The following SYNE1 variants were observed in gnomAD, a reference collection of about 807,000 sequenced individuals.
SYNE1 encodes the protein nesprin-1.
SYNE1 carries 616 observed loss-of-function variants against 1,111.0 expected under a neutral mutation model. The observed-to-expected ratio is 0.55, with a 90% CI of 0.52 to 0.59. The LOEUF is 0.59. Ranked by LOEUF, SYNE1 falls within the 20% of genes least tolerant of loss-of-function variation. The probability of loss-of-function intolerance (pLI) is 0.00; values close to 1 mark genes in which losing one functional copy is unlikely to be tolerated. For missense variants in SYNE1, 10,006 were observed against 10,417.0 expected, an observed-to-expected ratio of 0.96 and a Z score of 1.72; for synonymous variants, 3,855 against 3,825.8, an observed-to-expected ratio of 1.01 and a Z score of -0.28.
intron 8 of SYNE1, among the ~76,000 whole-genome samples, 181 bp from the exon 9 acceptor site, chr6:152,505,578 G>A (rs755977452): frequency 5.3e-5 from 8 of 152,106 alleles, no homozygotes; most frequent in Non-Finnish European, 1.0e-4. Context: ...ATAAGATGTC[G>A]AAATTCTGGT....
Position 152,135,152 on chromosome 6 carries a change from A to C in SYNE1, c.25740T>G (p.Asp8580Glu). ...DRRKNEIVPI[D>E]SNLDAEILQD... ...GAAGTATCTCTGCATCAAGGTTAGA[A>C]TCAATAGGGACAATTTCATTTTTCC... Residue 8580 changes from aspartate to glutamate, a missense_variant, in exon 142 of 146, where the codon GAT becomes GAG. By Grantham distance (45) the Asp-to-Glu change is conservative. Around this residue, in one of 7 missense-constraint regions of SYNE1, gnomAD observed 761 missense variants for 795.5 expected, o/e 0.96. Transcript: ENST00000367255. 6.2e-6 allele frequency: 10 copies of C among 1,614,204 alleles called. No individual in the cohort carries two copies. Among genetic ancestry groups the C allele is most frequent in the African/African-American group, 1.3e-5 (1 of 75,080 alleles).
At chr6:152,478,559 G>C (rs947375944) in intron 14 of SYNE1, 1 of 152,342 alleles carries the variant, frequency 6.6e-6, no homozygotes, top group Admixed American at 6.5e-5. Flanking sequence ...TTCGGGCACA[G>C]ATGCAATTGC....
At chr6:152,340,758 T>C (rs1316890078) in intron 74 of SYNE1, among the ~76,000 whole-genome samples, 1 of 152,202 alleles carries the variant, frequency 6.6e-6, no homozygotes, top group African/African-American at 2.4e-5. Context: ...GGGAGCATCA[T>C]GATCTGAAAC....
chr6:152,595,103 G>C (rs183880867), intron 3 of SYNE1, among the ~76,000 whole-genome samples: 1 of 151,876 alleles, frequency 6.6e-6, no homozygotes. Context: ...GTTCCTTTGC[G>C]GTCTCCTGTC....
At chr6:152,356,975 G>C (rs6906442) in intron 66 of SYNE1, among the ~76,000 whole-genome samples, 25,101 of 152,094 alleles carry the variant, frequency 0.17, 2,348 homozygotes, top group African/African-American at 0.21. Context: ...TGGTAGTGTA[G>C]AACTAAGAAG....
rs544903791 is a variant in SYNE1 at position 152,219,120 on chromosome 6, T to G, written c.21927A>C (p.Gln7309His). 1 of 1,614,118 alleles carries G rather than the reference T, an allele frequency of 6.2e-7. No homozygotes were observed. Among genetic ancestry groups the G allele is most frequent in the Non-Finnish European group, 8.5e-7 (1 of 1,180,004 alleles). ...SLFFLHELGE[Q>H]LKQQVDASAA... ...CGGAAGCATCCACTTGTTGCTTCAG[T>G]TGCTCTCCCAGCTCATGGAGAAAAA... Residue 7309 changes from glutamine to histidine, a missense_variant, in exon 120 of 146, where the codon CAA (glutamine) becomes CAC (histidine). Around this residue, in one of 7 missense-constraint regions of SYNE1, gnomAD observed 2,182 missense variants for 2,287.8 expected, o/e 0.95. Coordinates refer to ENST00000367255, the MANE Select transcript of SYNE1 (RefSeq NM_182961.4).
intron 130 of SYNE1, among the ~76,000 whole-genome samples, chr6:152,165,708 GT>G (rs1421715412): frequency 1.1e-4 from 16 of 152,238 alleles, no homozygotes; most frequent in Non-Finnish European, 2.9e-5. Context: ...ATTGTACCCT[GT>G]CCCCCAGACA....
At chr6:152,475,644 T>A (rs553792222) in intron 14 of SYNE1, among the ~76,000 whole-genome samples, 6 of 152,212 alleles carry the variant, frequency 3.9e-5, no homozygotes, top group African/African-American at 1.2e-4. Context: ...AACTTCAAAA[T>A]ATATAAAGGA....
intron 73 of SYNE1, among the ~76,000 whole-genome samples, chr6:152,346,206 C>T (rs2096627157): frequency 6.6e-6 from 1 of 151,942 alleles, no homozygotes; most frequent in African/African-American, 2.4e-5. Flanking sequence ...TCACTTTGTC[C>T]CCCAGGCTGG....
chr6:152,568,017 G>GA (rs951208278), intron 3 of SYNE1, among the ~76,000 whole-genome samples: 11 of 150,302 alleles, frequency 7.3e-5, no homozygotes, highest in Admixed American at 1.3e-4. Flanking sequence ...AATGAAAATA[G>GA]AAAAAAAAAT....
chr6:152,411,925 T>C lies in SYNE1; in HGVS notation c.6230+1427A>G, dbSNP rs112074637. Among the ~76,000 whole-genome samples the C allele has an allele frequency of 6.6e-3, 1,008 of 152,318 alleles. 13 individuals are homozygous for C. Among genetic ancestry groups the C allele is most frequent in the African/African-American group, 0.022 (902 of 41,558 alleles). ...GCAGGTTCTTATAAAGTTAAACATA[T>C]ATTTTGCTATACAATCCAGAGTCTC... is the stretch of plus-strand genomic sequence containing the variant. On this transcript the variant is annotated intron_variant, in intron 42 of 145. Coordinates refer to ENST00000367255, the MANE Select transcript of SYNE1 (RefSeq NM_182961.4).
At chr6:152,350,576 T>C (rs189267291) in intron 71 of SYNE1, 42 bp downstream of exon 71, 112 of 1,613,908 alleles carry the variant, frequency 6.9e-5, no homozygotes, top group Non-Finnish European at 3.6e-5. Context: ...GCCCACATTT[T>C]GGAAAATAAA....
rs2154258098 is a variant in SYNE1, at chr6:152,455,967, A to C, written c.2646T>G (p.Phe882Leu). The C allele has an allele frequency of 6.2e-7, 1 of 1,614,132 alleles. No homozygotes were observed. Among genetic ancestry groups the C allele is most frequent in the Non-Finnish European group, 8.5e-7 (1 of 1,179,994 alleles). Residue 882 changes from phenylalanine to leucine, a missense_variant, in exon 23 of 146, where the codon TTT (phenylalanine) becomes TTG (leucine). Phe to Leu is a conservative substitution (Grantham distance 22, BLOSUM62 0). This residue lies in a region of SYNE1 where 1,971 missense variants were observed against 2,084.1 expected (regional missense o/e 0.95). Coordinates refer to ENST00000367255, the MANE Select transcript of SYNE1 (RefSeq NM_182961.4). ...IEKGSQSVQK[F>L]VTLSNVLKHF... is the part of the protein sequence containing the mutation. The stretch of plus-strand genomic sequence containing the variant: ...GCTTTAACACGTTGCTCAAGGTCAC[A>C]AACTTTTGAACACTTTGACTGCCTT...
At chr6:152,281,054 C>T (rs981901939) in intron 97 of SYNE1, among the ~76,000 whole-genome samples, 2 of 152,112 alleles carry the variant, frequency 1.3e-5, no homozygotes, top group Non-Finnish European at 2.9e-5. Flanking sequence ...ATACTTAACC[C>T]TGAAGACTAG....
Position 152,143,693 on chromosome 6 carries a change from T to A in SYNE1, c.25049A>T (p.Gln8350Leu), listed in dbSNP as rs2058932042. Residue 8350 changes from glutamine (Q) to leucine (L), a missense_variant, in exon 138 of 146, where the codon CAG (glutamine) becomes CTG (leucine). Physicochemically the swap from Gln to Leu is moderately radical, Grantham distance 113. Coordinates refer to ENST00000367255, the MANE Select transcript of SYNE1 (RefSeq NM_182961.4). Reference sequence around the variant, plus strand: ...GCTGCGAATGATATTTTCGGTTTGCTGTATCTGAAAACGGCTATCATCCAG... The same window carrying A: ...GCTGCGAATGATATTTTCGGTTTGCAGTATCTGAAAACGGCTATCATCCAG... ...KALDDSRFQI[Q>L]QTENIIRSKT... The A allele has an allele frequency of 1.2e-6, 2 of 1,614,120 alleles. No individual in the cohort carries two copies. Among genetic ancestry groups the A allele is most frequent in the Non-Finnish European group, 1.7e-6 (2 of 1,180,054 alleles).
chr6:152,195,509 T>C (rs2073867893), intron 127 of SYNE1, among the ~76,000 whole-genome samples: 1 of 149,302 alleles, frequency 6.7e-6, no homozygotes, highest in African/African-American at 2.5e-5. Context: ...CAAATCTGCA[T>C]CATGGGGCAC....
intron 130 of SYNE1, among the ~76,000 whole-genome samples, chr6:152,172,508 A>G (rs2065461345): frequency 6.6e-6 from 1 of 152,210 alleles, no homozygotes; most frequent in Admixed American, 6.5e-5. Context: ...TCATCACAAC[A>G]GAGTGCGCAA....
intron 6 of SYNE1, among the ~76,000 whole-genome samples, chr6:152,515,229 AAAAAG>A (rs1554836008): frequency 6.6e-5 from 10 of 152,120 alleles, no homozygotes; most frequent in East Asian, 1.9e-4. Context: ...CTCAAAAAAA[AAAAAG>A]AAAAGAAAAG....
chr6:152,200,667 T>C (rs755795628), intron 127 of SYNE1, among the ~76,000 whole-genome samples: 38 of 152,264 alleles, frequency 2.5e-4, no homozygotes, highest in Admixed American at 5.2e-4. Context: ...AGTGCTGGGA[T>C]TACAGGCATG....
Sources: allele counts gnomAD v4.1 joint callset (sites outside exome capture counted in the v4.1 genomes callset), GRCh38; gene constraint gnomAD v4.1.1; regional missense constraint gnomAD v4.1.1; transcripts MANE v1.5; gene names NCBI Gene and HGNC (gene_info 2026-07-23, HGNC 2026-07-21).